Variants in PCNX2 observed in about 807,000 individuals in gnomAD.
PCNX2 encodes the protein pecanex-like protein 2.
A neutral mutation model predicts 223.8 loss-of-function variants in PCNX2; 168 were observed. That is an observed-to-expected ratio of 0.75 (90% CI 0.66 to 0.85). PCNX2 has a LOEUF of 0.85. Ranked by LOEUF, PCNX2 falls within the 40% of genes least tolerant of loss-of-function variation. The probability of loss-of-function intolerance (pLI) is 0.00; values close to 1 mark genes in which losing one functional copy is unlikely to be tolerated. For synonymous variants in PCNX2, 1,006 were observed against 1,052.6 expected (o/e 0.96, Z 0.86); for missense variants, 2,507 against 2,675.5 (o/e 0.94, Z 1.39).
intron 8 of PCNX2, among the ~76,000 whole-genome samples, chr1:233,241,729 ATT>A (rs1312110591): frequency 6.6e-6 from 1 of 152,320 alleles, no homozygotes; most frequent in African/African-American, 2.4e-5. Flanking sequence ...AAAAGACGAA[ATT>A]TCTAAACTAT....
At chr1:233,127,897 TG>T in intron 21 of PCNX2, among the ~76,000 whole-genome samples, 1 of 152,370 alleles carries the variant, frequency 6.6e-6, no homozygotes, top group South Asian at 2.1e-4. Context: ...GCTCAATGAA[TG>T]AACAATTGCT....
chr1:233,291,246 C>T (rs1376413210), intron 1 of PCNX2: 1 of 290,918 alleles, frequency 3.4e-6, no homozygotes, highest in East Asian at 1.7e-4. Context: ...AAGTGTTATC[C>T]CCATTTTACA....
chr1:233,299,647 C>T (rs559038479), upstream of PCNX2, among the ~76,000 whole-genome samples: 25 of 152,254 alleles, frequency 1.6e-4, no homozygotes, highest in African/African-American at 4.1e-4. Context: ...GGACCTGCAG[C>T]GGCCACAGGT....
At position 233,252,386 on chromosome 1, in the gene PCNX2, A is replaced by T; in HGVS notation, c.2096T>A (p.Val699Glu). The T allele has an allele frequency of 6.2e-7, 1 of 1,612,476 alleles. No individual in the cohort carries two copies. The highest frequency in any genetic ancestry group is 8.5e-7 in the Non-Finnish European group (1 of 1,178,780). ...ATCAATGAAGACATGCATAGCATCC[A>T]CAGATATCTCTTCTTGTACAGATGT... ...PETSVQEEISVDAMHVFIDEH... is the reference protein window; with the variant it reads ...PETSVQEEISEDAMHVFIDEH... Residue 699 changes from valine (V) to glutamate (E), a missense_variant, in exon 7 of 34, where the codon GTG becomes GAG. Transcript: ENST00000258229.
chr1:233,258,489 A>G lies in PCNX2; in HGVS notation c.1373T>C (p.Leu458Pro). ...CTGATTGGTGGATACCCTCGTCTTC[A>G]GTCTCTCTGGAGTCCTTTCACTTCC... ...GNGSERTPER[L>P]KTRVSTNQCS... Residue 458 changes from leucine to proline, a missense_variant, in exon 5 of 34, where the codon CTG becomes CCG. By Grantham distance (98) the Leu-to-Pro change is moderately conservative. Coordinates refer to ENST00000258229, the MANE Select transcript of PCNX2 (RefSeq NM_014801.4). 10 of 1,613,984 alleles carry G rather than the reference A, an allele frequency of 6.2e-6. No homozygotes were observed. Among genetic ancestry groups the G allele is most frequent in the Non-Finnish European group, 7.6e-6 (9 of 1,179,882 alleles).
intron 31 of PCNX2, 146 bp downstream of exon 31, chr1:232,998,959 T>C: frequency 1.2e-6 from 1 of 833,026 alleles, no homozygotes; most frequent in East Asian, 2.7e-5. Context: ...ACAAATGATC[T>C]GTTCGATGCC....
chr1:233,197,643 A>C (rs1680813688), intron 15 of PCNX2, among the ~76,000 whole-genome samples: 1 of 152,180 alleles, frequency 6.6e-6, no homozygotes, highest in Non-Finnish European at 1.5e-5. Context: ...TTTCTGAAAG[A>C]AAATATCTAT....
rs538249519 is a variant in PCNX2, at chr1:233,017,021, A to G, written c.4739T>C (p.Ile1580Thr). The G allele has an allele frequency of 4.0e-5, 65 of 1,614,006 alleles. No individual in the cohort carries two copies. Among genetic ancestry groups the G allele is most frequent in the East Asian group, 1.3e-4 (6 of 44,884 alleles). The change falls in exon 27 of 34, where the codon ATT becomes ACT. Residue 1580 changes from isoleucine to threonine, a missense_variant. Transcript: ENST00000258229. ...ERDLAMFNIN[I>T]DDDYVPCLQG... ...GAGACACGGGACGTAGTCATCATCA[A>G]TGTTAATGTTGAACATTGCAAGGTC...
intron 10 of PCNX2, among the ~76,000 whole-genome samples, chr1:233,224,503 C>T (rs1657578962): frequency 6.6e-6 from 1 of 152,136 alleles, no homozygotes; most frequent in Admixed American, 6.5e-5. Context: ...GTGCTTGTTA[C>T]CCACTGCTTT....
chr1:233,207,591 T>C (rs1376615571), intron 13 of PCNX2, among the ~76,000 whole-genome samples: 1 of 152,178 alleles, frequency 6.6e-6, no homozygotes, highest in African/African-American at 2.4e-5. Context: ...TGTCTAAGTA[T>C]ACCAACTCAT....
intron 32 of PCNX2, among the ~76,000 whole-genome samples, chr1:232,988,174 C>T (rs918826293): frequency 2.6e-5 from 4 of 152,184 alleles, no homozygotes; most frequent in Admixed American, 6.5e-5. Context: ...CAAGGCCGGA[C>T]GTGTGTTTGT....
At chr1:233,157,731 A>G (rs565675204) in intron 19 of PCNX2, among the ~76,000 whole-genome samples, 1 of 152,352 alleles carries the variant, frequency 6.6e-6, no homozygotes, top group Non-Finnish European at 1.5e-5. Context: ...GAAATTCAGG[A>G]CACAGATGGC....
chr1:233,037,617 G>C (rs1489646372), intron 25 of PCNX2, among the ~76,000 whole-genome samples: 1 of 152,134 alleles, frequency 6.6e-6, no homozygotes, highest in Non-Finnish European at 1.5e-5. Flanking sequence ...GCACCACCAT[G>C]CCTGGCCTTG....
At chr1:233,303,645 A>G in the PCNX2 span, among the ~76,000 whole-genome samples, 1 of 83,870 alleles carries the variant, frequency 1.2e-5, no homozygotes, top group Non-Finnish European at 2.9e-5. Context: ...ATCTCCAGGA[A>G]TTTTTTTTTA....
intron 13 of PCNX2, among the ~76,000 whole-genome samples, chr1:233,205,986 G>C (rs1271202403): frequency 6.6e-6 from 1 of 152,154 alleles, no homozygotes; most frequent in Non-Finnish European, 1.5e-5. Flanking sequence ...GGGAAATGAG[G>C]TGTTATGAGC....
chr1:233,179,045 G>GC, intron 16 of PCNX2, 21 bp downstream of exon 16: 1 of 1,601,312 alleles, frequency 6.2e-7, no homozygotes, highest in Non-Finnish European at 8.6e-7. Context: ...TGATGAGAGA[G>GC]CACAGGCATA....
At chr1:233,151,046 C>G (rs1028185345) in intron 19 of PCNX2, among the ~76,000 whole-genome samples, 42 of 108,334 alleles carry the variant, frequency 3.9e-4, no homozygotes, top group African/African-American at 1.1e-3. Flanking sequence ...GAATAACCAT[C>G]TTGCCAAGAG....
intron 25 of PCNX2, among the ~76,000 whole-genome samples, chr1:233,044,727 G>A (rs554819284): frequency 6.6e-6 from 1 of 151,320 alleles, no homozygotes; most frequent in South Asian, 2.1e-4. Context: ...GGGGTGCAAT[G>A]GCGTGATCTT....
At chr1:233,034,618 G>C (rs1379637060) in intron 25 of PCNX2, among the ~76,000 whole-genome samples, 2 of 152,234 alleles carry the variant, frequency 1.3e-5, no homozygotes, top group African/African-American at 4.8e-5. Context: ...GCTAATTTGT[G>C]TGGCTGGTAG....
Sources: gnomAD v4.1 joint callset for allele counts (sites outside exome capture counted in the v4.1 genomes callset) on GRCh38, gnomAD v4.1.1 for gene constraint, MANE v1.5 for transcripts, NCBI Gene and HGNC (gene_info 2026-07-23, HGNC 2026-07-21) for gene names.